ATN1: variants seen among roughly 807,000 people sequenced by gnomAD.
ATN1 encodes atrophin-1.
Under a neutral mutation model 85.8 loss-of-function variants are expected in ATN1, and 19 were observed. The ratio of observed to expected loss-of-function variants is 0.22; its 90% CI spans 0.15 to 0.32. The LOEUF (loss-of-function observed/expected upper bound fraction) is 0.32, where lower values mean the gene tolerates loss of function less well. ATN1 is among the 10% of genes least tolerant of loss of function. The pLI is 1.00. For missense variants in ATN1, 1,453 were observed against 1,564.5 expected (o/e 0.93, Z 1.20); for synonymous variants, 674 against 657.0 (o/e 1.03, Z -0.39).
In ATN1 at chr12:6,936,728, A is replaced by ACAACAGCAGCAG. The variant is rs1945541064; in HGVS notation, c.1463_1464insACAGCAGCAGCA (p.Gln499_Gln502dup). 1 of 1,520,678 alleles carries ACAACAGCAGCAG rather than the reference A, an allele frequency of 6.6e-7. No homozygotes were observed. Among genetic ancestry groups the ACAACAGCAGCAG allele is most frequent in the African/African-American group, 1.5e-5 (1 of 68,860 alleles). The allele number at this position is 1,520,678 out of a possible 1,614,324, so 94.2% of individuals were successfully genotyped here. A position where few individuals can be genotyped will look rare whatever the true frequency, so the allele number is the denominator to read the frequency against. ...ATCACCATCACCACCAGCAACAGCA[A>ACAACAGCAGCAG]CAGCAGCAGCAGCAGCAGCAGCAGC... On this transcript the variant is annotated inframe_insertion, in exon 5 of 10. Transcript: ENST00000396684.
At chr12:6,939,600 C>G (rs1945606868) in intron 7 of ATN1, among the ~76,000 whole-genome samples, 1 of 152,226 alleles carries the variant, frequency 6.6e-6, no homozygotes, top group Non-Finnish European at 1.5e-5. Context: ...TTCCCGGTCT[C>G]AAGTGATCCT....
At chr12:6,925,059 G>A (rs1232213235), upstream of ATN1, among the ~76,000 whole-genome samples, 2 of 152,060 alleles carry the variant, frequency 1.3e-5, no homozygotes, top group South Asian at 2.1e-4. Context: ...GGTTGTGGGG[G>A]GCTGAGCCAG....
chr12:6,937,157 G>A lies in ATN1; in HGVS notation c.1890G>A (p.Thr630=), dbSNP rs201056920. The change falls in exon 5 of 10, where the codon ACG becomes ACA. Residue 630 remains threonine, a synonymous_variant. Coordinates refer to ENST00000396684, the MANE Select transcript of ATN1 (RefSeq NM_001940.4). The surrounding 1 kb of genome is among the most constrained non-coding windows in gnomAD (Gnocchi z 6.0). The stretch of plus-strand genomic sequence containing the variant: ...CTTCCTCGCCAGCAGGCTACAAAAC[G>A]GCCTCCCCACCTGGGCCCCCACCGT... ...TVASSPAGYK[T]ASPPGPPPYG... 6 of 1,611,102 alleles carry A rather than the reference G, an allele frequency of 3.7e-6. No homozygotes were observed. Among genetic ancestry groups the A allele is most frequent in the African/African-American group, 1.3e-5 (1 of 74,980 alleles).
In ATN1 at chr12:6,936,388, C is replaced by T; in HGVS notation, c.1121C>T (p.Pro374Leu). 6.2e-7 allele frequency: 1 copy of T among 1,613,736 alleles called. No individual in the cohort carries two copies. Among genetic ancestry groups the T allele is most frequent in the Non-Finnish European group, 8.5e-7 (1 of 1,179,898 alleles). ...GCTCCAGCGCCCCCCATGAGGTTTC[C>T]TTATTCATCCTCTAGTAGTAGCTCT... Reference protein sequence around the residue: ...SSAPAPPMRFPYSSSSSSSAA... With the variant: ...SSAPAPPMRFLYSSSSSSSAA... The change falls in exon 5 of 10, where the codon CCT becomes CTT. Residue 374 changes from proline (P) to leucine (L), a missense_variant. Pro to Leu is a moderately conservative substitution (Grantham distance 98). This residue lies in a region of ATN1 where 990 missense variants were observed against 914.8 expected (regional missense o/e 1.08). Transcript: ENST00000396684.
rs1470203490 is a variant in ATN1 at position 6,928,054 on chromosome 12, G to T, written c.-493G>T. Among the ~76,000 whole-genome samples, 1 of 145,128 alleles carries T rather than the reference G, an allele frequency of 6.9e-6. No homozygotes were observed. The highest frequency in any genetic ancestry group is 1.5e-5 in the Non-Finnish European group (1 of 65,382). On this transcript the variant is annotated 5_prime_UTR_variant, in exon 1 of 10. Transcript: ENST00000396684. Reference sequence around the variant, plus strand: ...GTCGGAACCGCGCCGAGGGCCGGGCGGGCCGCGGGGCCGGGCGGCGCGGCG... The same window carrying T: ...GTCGGAACCGCGCCGAGGGCCGGGCTGGCCGCGGGGCCGGGCGGCGCGGCG...
rs1555143576 is a variant in ATN1 at position 6,936,105 on chromosome 12, G to T, written c.838G>T (p.Val280Leu). Reference sequence around the variant, plus strand: ...CCCAACAAAGCCGCCTACCACTCCAGTGGGTGGTGGGAACCTACCTTCTGC... The same window carrying T: ...CCCAACAAAGCCGCCTACCACTCCATTGGGTGGTGGGAACCTACCTTCTGC... Reference protein sequence around the residue: ...APPTKPPTTPVGGGNLPSAPP... With the variant: ...APPTKPPTTPLGGGNLPSAPP... The change falls in exon 5 of 10, where the codon GTG (valine) becomes TTG (leucine). Residue 280 changes from valine to leucine, a missense_variant. By Grantham distance (32) the Val-to-Leu change is conservative. Coordinates refer to ENST00000396684, the MANE Select transcript of ATN1 (RefSeq NM_001940.4). 6.5e-7 allele frequency: 1 copy of T among 1,527,898 alleles called. No individual in the cohort carries two copies. Among genetic ancestry groups the T allele is most frequent in the Non-Finnish European group, 8.8e-7 (1 of 1,138,792 alleles). 94.6% of individuals were successfully genotyped at this position (1,527,898 alleles called of 1,614,324 possible).
upstream of ATN1, among the ~76,000 whole-genome samples, chr12:6,926,339 C>T (rs1555142583): frequency 6.6e-6 from 1 of 152,120 alleles, no homozygotes; most frequent in Non-Finnish European, 1.5e-5. Context: ...GGAGATGCCA[C>T]TAGATGGAAG....
At position 6,934,373 on chromosome 12, in the gene ATN1, T is replaced by C; in HGVS notation, c.165+60T>C. ...AAGGCACTGGGGCTGAGGGTGTGTG[T>C]GTGTTGTGGGGGAACTTCCTGTTTG... On this transcript the variant is annotated intron_variant, in intron 3 of 9. Coordinates refer to ENST00000396684, the MANE Select transcript of ATN1 (RefSeq NM_001940.4). The surrounding 1 kb of genome is among the most constrained non-coding windows in gnomAD (Gnocchi z 4.5). 1.3e-6 allele frequency: 2 copies of C among 1,597,878 alleles called. No homozygotes were observed. The highest frequency in any genetic ancestry group is 1.7e-6 in the Non-Finnish European group (2 of 1,171,696).
Position 6,938,468 on chromosome 12 carries a change from C to T in ATN1, c.2518-13C>T, listed in dbSNP as rs200231300. On this transcript the variant is annotated splice_polypyrimidine_tract_variant and intron_variant, in intron 6 of 9. Coordinates refer to ENST00000396684, the MANE Select transcript of ATN1 (RefSeq NM_001940.4). ...ACTGCCGCTTTGACTCCACTTTTCC[C>T]TGTATCCCACAGAAGTTGGCTCAGG... is the stretch of plus-strand genomic sequence containing the variant. The T allele has an allele frequency of 1.7e-5, 27 of 1,593,730 alleles. No individual in the cohort carries two copies. Among genetic ancestry groups the T allele is most frequent in the East Asian group, 6.8e-5 (3 of 44,392 alleles).
In ATN1 at chr12:6,928,250, C is replaced by T. The variant is rs1945420615; in HGVS notation, c.-297C>T. The T allele has an allele frequency of 1.4e-5, 2 of 145,284 alleles. No individual in the cohort carries two copies. The highest frequency in any genetic ancestry group is 5.1e-5 in the African/African-American group (2 of 39,278). 9.0% of individuals were successfully genotyped at this position (145,284 alleles called of 1,614,324 possible). ...CGCCCTCCGGGGGGGTCGGGGCCGC[C>T]GCCGCCGTCGTCGCGGCGGCGACTG... is the stretch of plus-strand genomic sequence containing the variant. On this transcript the variant is annotated 5_prime_UTR_variant, in exon 1 of 10. Coordinates refer to ENST00000396684, the MANE Select transcript of ATN1 (RefSeq NM_001940.4).
chr12:6,937,064 C>T lies in ATN1; in HGVS notation c.1797C>T (p.Tyr599=), dbSNP rs1023914113. Reference sequence around the variant, plus strand: ...CCCAGGGCCCTCAAGGGGCGCCCTACCCTTTCCCACCGGTGCCTACGGTCA... The same window carrying T: ...CCCAGGGCCCTCAAGGGGCGCCCTATCCTTTCCCACCGGTGCCTACGGTCA... The part of the protein sequence containing the change: ...SPSQGPQGAP[Y]PFPPVPTVTT... The change falls in exon 5 of 10, where the codon TAC becomes TAT. Residue 599 remains tyrosine (Y), a synonymous_variant. Transcript: ENST00000396684. This position sits in a 1 kb window ranked among gnomAD's most constrained non-coding sequence, Gnocchi z 6.0. The T allele has an allele frequency of 7.4e-6, 12 of 1,613,578 alleles. No individual in the cohort carries two copies. Among genetic ancestry groups the T allele is most frequent in the Middle Eastern group, 1.6e-4 (1 of 6,082 alleles).
At position 6,937,568 on chromosome 12, in the gene ATN1, G is replaced by A; in HGVS notation, c.2294+7G>A. ...ATGCCAGTCAGTCTGCCAGGTGAGC[G>A]GCCAGGTGGGGCGGAGGTGGGCCTG... is the stretch of plus-strand genomic sequence containing the variant. On this transcript the variant is annotated splice_region_variant and intron_variant, in intron 5 of 9. Coordinates refer to ENST00000396684, the MANE Select transcript of ATN1 (RefSeq NM_001940.4). The surrounding 1 kb of genome is among the most constrained non-coding windows in gnomAD (Gnocchi z 6.0). 1 of 1,485,638 alleles carries A rather than the reference G, an allele frequency of 6.7e-7. No individual in the cohort carries two copies. The highest frequency in any genetic ancestry group is 1.3e-5 in the South Asian group (1 of 76,058). The allele number at this position is 1,485,638 out of a possible 1,614,324, so 92.0% of individuals were successfully genotyped here. A position where few individuals can be genotyped will look rare whatever the true frequency, so the allele number is the denominator to read the frequency against.
chr12:6,938,336 G>A, intron 6 of ATN1, 145 bp from the exon 7 acceptor site: 3 of 1,318,524 alleles, frequency 2.3e-6, no homozygotes, highest in Non-Finnish European at 3.0e-6. Context: ...TCGGGAGCGG[G>A]GGCCGCAGTT....
rs151206022 is a variant in ATN1 at position 6,936,178 on chromosome 12, C to T, written c.911C>T (p.Pro304Leu). The T allele has an allele frequency of 5.2e-5, 81 of 1,554,864 alleles. No individual in the cohort carries two copies. Among genetic ancestry groups the T allele is most frequent in the Non-Finnish European group, 6.6e-5 (76 of 1,150,648 alleles). ...CATGTGACACCGAACCTGCCTCCCC[C>T]ACCTGCCCTGAGACCCCTCAACAAT... Reference protein sequence around the residue: ...FPHVTPNLPPPPALRPLNNAS... With the variant: ...FPHVTPNLPPLPALRPLNNAS... The change falls in exon 5 of 10, where the codon CCA (proline) becomes CTA (leucine). Residue 304 changes from proline (P) to leucine (L), a missense_variant. By Grantham distance (98) the Pro-to-Leu change is moderately conservative (BLOSUM62 -3). This residue lies in a region of ATN1 where 990 missense variants were observed against 914.8 expected (regional missense o/e 1.08). Coordinates refer to ENST00000396684, the MANE Select transcript of ATN1 (RefSeq NM_001940.4).
rs201762823 is a variant in ATN1, at chr12:6,936,142, C to G, written c.875C>G (p.Ala292Gly). Reference sequence around the variant, plus strand: ...AACCTACCTTCTGCTCCACCACCAGCCAACTTCCCCCATGTGACACCGAAC... The same window carrying G: ...AACCTACCTTCTGCTCCACCACCAGGCAACTTCCCCCATGTGACACCGAAC... ...GGNLPSAPPP[A>G]NFPHVTPNLP... The change falls in exon 5 of 10, where the codon GCC (alanine) becomes GGC (glycine). Residue 292 changes from alanine to glycine, a missense_variant. Ala to Gly is a moderately conservative substitution (Grantham distance 60). Transcript: ENST00000396684. 1.9e-4 allele frequency: 286 copies of G among 1,532,130 alleles called. No individual in the cohort carries two copies. The highest frequency in any genetic ancestry group is 7.1e-4 in the Middle Eastern group (4 of 5,648). 94.9% of individuals were successfully genotyped at this position (1,532,130 alleles called of 1,614,324 possible).
Position 6,937,768 on chromosome 12 carries a change from T to C in ATN1, c.2295-77T>C, listed in dbSNP as rs1261108398. The stretch of plus-strand genomic sequence containing the variant: ...GTTTTGAGGCGGGGGCTACAAGCAC[T>C]CGCCGGGGCCGCGGCGCTGCGGGCT... On this transcript the variant is annotated intron_variant, in intron 5 of 9. Coordinates refer to ENST00000396684, the MANE Select transcript of ATN1 (RefSeq NM_001940.4). The surrounding 1 kb of genome is among the most constrained non-coding windows in gnomAD (Gnocchi z 6.0). The C allele has an allele frequency of 1.4e-6, 2 of 1,467,844 alleles. No individual in the cohort carries two copies. The highest frequency in any genetic ancestry group is 1.8e-6 in the Non-Finnish European group (2 of 1,111,578). 90.9% of individuals were successfully genotyped at this position (1,467,844 alleles called of 1,614,324 possible).
rs1945528013 is a variant in ATN1, at chr12:6,936,051, G to T, written c.784G>T (p.Val262Leu). 1 of 1,571,238 alleles carries T rather than the reference G, an allele frequency of 6.4e-7. No individual in the cohort carries two copies. The highest frequency in any genetic ancestry group is 1.4e-5 in the African/African-American group (1 of 73,576). The change falls in exon 5 of 10, where the codon GTA becomes TTA. Residue 262 changes from valine to leucine, a missense_variant. Physicochemically the swap from Val to Leu is conservative, Grantham distance 32. Around this residue, in one of 6 missense-constraint regions of ATN1, gnomAD observed 990 missense variants for 914.8 expected, o/e 1.08. Transcript: ENST00000396684. ...QHPPPTTPIS[V>L]SSSGASGAPP... is the part of the protein sequence containing the mutation. ...CCCCCCACCCACTACTCCCATTTCA[G>T]TATCAAGCTCTGGGGCTAGTGGTGC...
Position 6,928,817 on chromosome 12 carries a change from A to G in ATN1, c.-163+433A>G, listed in dbSNP as rs781920878. 4.7e-4 allele frequency among the ~76,000 whole-genome samples: 71 copies of G among 152,302 alleles called. 1 individual carries two copies. The South Asian group carries it at 0.015, about 32-fold the overall frequency. ...AGGTGGGGCATGAAGCCTCCAGGAA[A>G]AAGCTCCAAAGGACCAGAACACGGG... is the stretch of plus-strand genomic sequence containing the variant. On this transcript the variant is annotated intron_variant, in intron 1 of 9. Transcript: ENST00000396684.
chr12:6,932,621 C>A (rs782391052), intron 1 of ATN1, among the ~76,000 whole-genome samples: 1 of 152,126 alleles, frequency 6.6e-6, no homozygotes, highest in African/African-American at 2.4e-5. Context: ...CCAGTCTACA[C>A]CAAGTAGGAG....
Sources: gnomAD v4.1 joint callset for allele counts (sites outside exome capture counted in the v4.1 genomes callset) on GRCh38, gnomAD v4.1.1 for gene constraint, gnomAD v4.1.1 regional missense constraint, Gnocchi (gnomAD v3.1) non-coding constraint, MANE v1.5 for transcripts, NCBI Gene and HGNC (gene_info 2026-07-23, HGNC 2026-07-21) for gene names.